Variants in TRHDE observed in about 807,000 individuals in gnomAD.
TRHDE encodes thyrotropin-releasing hormone-degrading ectoenzyme.
Under a neutral mutation model 125.7 loss-of-function variants are expected in TRHDE, and 72 were observed. The observed-to-expected ratio is 0.57, with a 90% confidence interval of 0.47 to 0.70. The LOEUF (loss-of-function observed/expected upper bound fraction) is 0.70, where lower values mean the gene tolerates loss of function less well. TRHDE is among the 30% of genes least tolerant of loss of function. The pLI is 0.00. For missense variants in TRHDE, 1,110 were observed against 1,327.1 expected (o/e 0.84, Z 2.54); for synonymous variants, 509 against 509.1 (o/e 1.00, Z 0.00).
At chr12:72,446,537 T>C (rs962997333) in intron 3 of TRHDE, among the ~76,000 whole-genome samples, 4 of 152,080 alleles carry the variant, frequency 2.6e-5, no homozygotes, top group African/African-American at 7.2e-5. Flanking sequence ...ATGGGCTAAA[T>C]ACTCCAATTA....
At chr12:72,517,518 G>C (rs1391919991) in intron 6 of TRHDE, among the ~76,000 whole-genome samples, 1 of 151,886 alleles carries the variant, frequency 6.6e-6, no homozygotes, top group South Asian at 2.1e-4. Flanking sequence ...TATTGCGTCT[G>C]TTTGATTCTT....
chr12:72,298,915 T>C (rs1880403240), intron 2 of TRHDE, among the ~76,000 whole-genome samples: 1 of 152,268 alleles, frequency 6.6e-6, no homozygotes, highest in African/African-American at 2.4e-5. Context: ...AGGCATTAAG[T>C]GACTGTCTGG....
rs1870131406 is a variant in TRHDE at position 72,342,582 on chromosome 12, G to A, written c.1189-35413G>A. 2.6e-5 allele frequency among the ~76,000 whole-genome samples: 4 copies of A among 152,204 alleles called. No homozygotes were observed. In the South Asian group the frequency reaches 8.3e-4, roughly 32 times the overall value. ...ATCTTTTTTATTTTCATTAACTAGTGAGGTAAGCAATGAATAAAGAGAAAA... is the reference window on the plus strand; with the variant it reads ...ATCTTTTTTATTTTCATTAACTAGTAAGGTAAGCAATGAATAAAGAGAAAA... On this transcript the variant is annotated intron_variant, in intron 2 of 18. Coordinates refer to ENST00000261180, the MANE Select transcript of TRHDE (RefSeq NM_013381.3).
At chr12:72,443,469 A>G (rs1166121882) in intron 3 of TRHDE, among the ~76,000 whole-genome samples, 2 of 151,780 alleles carry the variant, frequency 1.3e-5, no homozygotes, top group African/African-American at 2.4e-5. Context: ...GCAAGGACTT[A>G]GATTGAGTAT....
chr12:72,434,388 C>CAAA (rs34254660), intron 3 of TRHDE, among the ~76,000 whole-genome samples: 425 of 81,904 alleles, frequency 5.2e-3, no homozygotes, highest in South Asian at 0.017. Context: ...CTCTATGTCT[C>CAAA]AAAAAAAAAA....
intron 2 of TRHDE, among the ~76,000 whole-genome samples, chr12:72,205,988 A>C (rs1228994662): frequency 1.3e-5 from 2 of 151,916 alleles, no homozygotes; most frequent in Non-Finnish European, 2.9e-5. Flanking sequence ...AAGGGTTTCA[A>C]TTTTTCCACA....
intron 15 of TRHDE, among the ~76,000 whole-genome samples, chr12:72,633,593 C>A (rs1277579725): frequency 6.6e-6 from 1 of 152,082 alleles, no homozygotes; most frequent in Non-Finnish European, 1.5e-5. Context: ...TGAAAGGTGC[C>A]TAGCAAACAG....
intron 2 of TRHDE, among the ~76,000 whole-genome samples, chr12:72,349,554 G>A (rs1469233654): frequency 6.7e-6 from 1 of 148,924 alleles, no homozygotes; most frequent in African/African-American, 2.5e-5. Context: ...CTTTTTTTGG[G>A]CGGGGGGGTG....
intron 2 of TRHDE, among the ~76,000 whole-genome samples, chr12:72,210,868 A>G (rs1189791231): frequency 6.6e-6 from 1 of 152,216 alleles, no homozygotes; most frequent in Non-Finnish European, 1.5e-5. Context: ...TAAATCATTC[A>G]TAATACTTTC....
At position 72,372,916 on chromosome 12, in the gene TRHDE, A is replaced by G. The variant is rs568611873; in HGVS notation, c.1189-5079A>G. Among the ~76,000 whole-genome samples, 223 of 152,248 alleles carry G rather than the reference A, an allele frequency of 1.5e-3. 1 individual carries two copies. Among genetic ancestry groups the G allele is most frequent in the African/African-American group, 3.9e-3 (160 of 41,540 alleles). On this transcript the variant is annotated intron_variant, in intron 2 of 18. Coordinates refer to ENST00000261180, the MANE Select transcript of TRHDE (RefSeq NM_013381.3). ...ATGAACTTTAAAGTAGGTTTTTCCA[A>G]TTCTGTGAAGAAAGTCATTGGTAGC...
At chr12:72,345,740 C>T (rs187964641) in intron 2 of TRHDE, among the ~76,000 whole-genome samples, 3 of 151,832 alleles carry the variant, frequency 2.0e-5, no homozygotes, top group East Asian at 2.0e-4. Flanking sequence ...GTGGGCATAC[C>T]CCTTGGATAC....
intron 2 of TRHDE, 38 bp from the exon 3 acceptor site, chr12:72,377,956 TA>T: frequency 1.4e-6 from 2 of 1,453,890 alleles, no homozygotes; most frequent in Non-Finnish European, 1.8e-6. Flanking sequence ...ACTCAAGTGC[TA>T]AAAGGCTAAA....
At chr12:72,176,355 A>G (rs574414261) in intron 2 of TRHDE, among the ~76,000 whole-genome samples, 1 of 152,146 alleles carries the variant, frequency 6.6e-6, no homozygotes, top group Non-Finnish European at 1.5e-5. Context: ...CACCCTACTT[A>G]GTCTAGATAT....
chr12:72,598,908 A>G (rs1361524427), intron 12 of TRHDE, among the ~76,000 whole-genome samples: 1 of 151,996 alleles, frequency 6.6e-6, no homozygotes, highest in Non-Finnish European at 1.5e-5. Flanking sequence ...AATAGTCCCA[A>G]GTATCCATTA....
intron 12 of TRHDE, among the ~76,000 whole-genome samples, chr12:72,605,661 A>G (rs1052561734): frequency 7.9e-5 from 12 of 152,170 alleles, no homozygotes; most frequent in African/African-American, 2.7e-4. Flanking sequence ...TAATATTCTG[A>G]GAGGCAGGAA....
chr12:72,131,349 G>A (rs1200998118), intron 2 of TRHDE, among the ~76,000 whole-genome samples: 1 of 151,920 alleles, frequency 6.6e-6, no homozygotes, highest in African/African-American at 2.4e-5. Flanking sequence ...TGGAATTACA[G>A]GTGTGAGCCA....
intron 12 of TRHDE, among the ~76,000 whole-genome samples, chr12:72,605,254 T>G (rs561238391): frequency 2.6e-5 from 4 of 152,256 alleles, no homozygotes; most frequent in Non-Finnish European, 4.4e-5. Flanking sequence ...TCAGAGTATT[T>G]TAATTCTAAG....
chr12:72,411,754 T>A (rs996516819), intron 3 of TRHDE, among the ~76,000 whole-genome samples: 2 of 152,092 alleles, frequency 1.3e-5, no homozygotes, highest in Non-Finnish European at 2.9e-5. Flanking sequence ...TTTAAAGTTA[T>A]GTAATTATGA....
chr12:72,440,753 G>C (rs1010123911), intron 3 of TRHDE, among the ~76,000 whole-genome samples: 1 of 151,762 alleles, frequency 6.6e-6, no homozygotes, highest in Non-Finnish European at 1.5e-5. Context: ...ATTCTTAGTG[G>C]GAGGTGTGGT....
Sources: gnomAD v4.1 joint callset for allele counts (sites outside exome capture counted in the v4.1 genomes callset) on GRCh38, gnomAD v4.1.1 for gene constraint, MANE v1.5 for transcripts, NCBI Gene and HGNC (gene_info 2026-07-23, HGNC 2026-07-21) for gene names.